Variants in IL1RAPL1 observed in about 807,000 individuals in gnomAD.
The protein encoded by IL1RAPL1 is interleukin-1 receptor accessory protein-like 1.
Under a neutral mutation model 48.4 loss-of-function variants are expected in IL1RAPL1, and 3 were observed. That is an observed-to-expected ratio of 0.06 (90% CI 0.03 to 0.16). The LOEUF is 0.16. IL1RAPL1 is among the 10% of genes least tolerant of loss of function. The probability of loss-of-function intolerance (pLI) is 1.00; values close to 1 mark genes in which losing one functional copy is unlikely to be tolerated. For missense variants in IL1RAPL1, 349 were observed against 530.6 expected, an observed-to-expected ratio of 0.66 and a Z score of 3.36; for synonymous variants, 185 against 187.7, an observed-to-expected ratio of 0.99 and a Z score of 0.12.
chrX:29,681,018 A>G (rs1926436372), intron 6 of IL1RAPL1, among the ~76,000 whole-genome samples: 1 of 112,653 alleles, frequency 8.9e-6, no homozygotes, highest in Non-Finnish European at 1.9e-5. Context: ...TATAAAATCA[A>G]CTTCACGTAA....
intron 2 of IL1RAPL1, among the ~76,000 whole-genome samples, chrX:29,014,433 T>C (rs1926194883): frequency 8.9e-6 from 1 of 111,868 alleles, no homozygotes; most frequent in South Asian, 3.7e-4. Context: ...TATTTGTGTA[T>C]ATATACTCTT....
At chrX:29,525,946 T>G (rs774020545) in intron 5 of IL1RAPL1, among the ~76,000 whole-genome samples, 1 of 111,749 alleles carries the variant, frequency 8.9e-6, no homozygotes, top group Non-Finnish European at 1.9e-5. Flanking sequence ...GTGCTAGATA[T>G]AGTAGCTAAA....
In IL1RAPL1 at chrX:29,703,402, G is replaced by A. The variant is rs764386178; in HGVS notation, c.778+34898G>A. ...CTGTCTCCCAGGCCAGAGTGCGGTG[G>A]CGTGATCTCCGCTCACTGCAAGCTC... On this transcript the variant is annotated intron_variant, in intron 6 of 10. Coordinates refer to ENST00000378993, the MANE Select transcript of IL1RAPL1 (RefSeq NM_014271.4). Among the ~76,000 whole-genome samples, 12 of 110,421 alleles carry A rather than the reference G, an allele frequency of 1.1e-4. No homozygotes were observed. The East Asian group carries it at 1.7e-3, about 16-fold the overall frequency.
Position 29,639,103 on chromosome X carries a change from G to A in IL1RAPL1, c.704-29327G>A, listed in dbSNP as rs959411846. ...CGGTAGGCTGAGGCAGGAGAATGGC[G>A]TGAACCCAGGAGGCGGAGCTTGCAG... On this transcript the variant is annotated intron_variant, in intron 5 of 10. Transcript: ENST00000378993. Among the ~76,000 whole-genome samples, 10 of 107,837 alleles carry A rather than the reference G, an allele frequency of 9.3e-5. No homozygotes were observed. The East Asian group carries it at 2.1e-3, about 22-fold the overall frequency. The allele number at this position is 107,837 out of a possible 115,157, so 93.6% of individuals were successfully genotyped here. A position where few individuals can be genotyped will look rare whatever the true frequency, so the allele number is the denominator to read the frequency against.
At chrX:29,801,742 G>T (rs766905362) in intron 6 of IL1RAPL1, among the ~76,000 whole-genome samples, 5 of 111,774 alleles carry the variant, frequency 4.5e-5, no homozygotes, top group Non-Finnish European at 7.5e-5. Context: ...AACTAAGATC[G>T]ATCAAAGTAA....
At chrX:29,835,156 A>G in intron 6 of IL1RAPL1, among the ~76,000 whole-genome samples, 1 of 112,367 alleles carries the variant, frequency 8.9e-6, no homozygotes, top group Middle Eastern at 4.7e-3. Flanking sequence ...TCCTGTTTTT[A>G]GTGCTAAAGC....
intron 1 of IL1RAPL1, among the ~76,000 whole-genome samples, chrX:28,725,517 G>A (rs1202267550): frequency 8.9e-6 from 1 of 112,029 alleles, no homozygotes; most frequent in Non-Finnish European, 1.9e-5. Flanking sequence ...GATAGGGATT[G>A]TATGGAGCTT....
chrX:29,768,934 C>A lies in IL1RAPL1; in HGVS notation c.778+100430C>A, dbSNP rs531506246. Among the ~76,000 whole-genome samples, 82 of 111,197 alleles carry A rather than the reference C, an allele frequency of 7.4e-4. No individual in the cohort carries two copies. The South Asian group carries it at 0.028, about 38-fold the overall frequency. ...CAGCTTGCAGGACTTCTGCTCAGGCCGCATCATCTTTTATAATACACATGA... is the reference window on the plus strand; with the variant it reads ...CAGCTTGCAGGACTTCTGCTCAGGCAGCATCATCTTTTATAATACACATGA... On this transcript the variant is annotated intron_variant, in intron 6 of 10. Transcript: ENST00000378993.
chrX:29,954,405 C>T (rs974555820), intron 9 of IL1RAPL1, 117 bp from the exon 10 acceptor site: 16 of 566,593 alleles, frequency 2.8e-5, no homozygotes, highest in South Asian at 5.4e-5. Flanking sequence ...CTTCATTTTT[C>T]GGTCTTTCAG....
At chrX:28,693,112 A>G (rs765414376) in intron 1 of IL1RAPL1, among the ~76,000 whole-genome samples, 9 of 112,244 alleles carry the variant, frequency 8.0e-5, no homozygotes, top group Non-Finnish European at 1.7e-4. Flanking sequence ...TAGAAAGACA[A>G]TTCCACTGGA....
intron 1 of IL1RAPL1, among the ~76,000 whole-genome samples, chrX:28,640,258 A>C (rs1283587420): frequency 8.9e-6 from 1 of 111,907 alleles, no homozygotes; most frequent in Non-Finnish European, 1.9e-5. Flanking sequence ...TACTGTTATG[A>C]TGACCAACAT....
chrX:28,754,384 C>T (rs527762522), intron 1 of IL1RAPL1, among the ~76,000 whole-genome samples: 2 of 112,271 alleles, frequency 1.8e-5, no homozygotes, highest in African/African-American at 6.5e-5. Flanking sequence ...CATCTGAAAT[C>T]TTGAAAGGGG....
intron 5 of IL1RAPL1, among the ~76,000 whole-genome samples, chrX:29,443,231 G>GCGCGCTCTCTCT (rs746994199): frequency 2.1e-5 from 2 of 93,964 alleles, no homozygotes; most frequent in East Asian, 7.3e-4. Flanking sequence ...GCTCTCGCTT[G>GCGCGCTCTCTCT]CTCTCTCTCT....
intron 5 of IL1RAPL1, among the ~76,000 whole-genome samples, chrX:29,639,048 T>TGGTGGTGGGCGC (rs1208055195): frequency 1.8e-5 from 2 of 109,775 alleles, no homozygotes; most frequent in Non-Finnish European, 3.8e-5. Flanking sequence ...TAGCTGGGCG[T>TGGTGGTGGGCGC]GGTGGTGGGC....
chrX:29,428,619 T>A (rs942210650), intron 5 of IL1RAPL1, among the ~76,000 whole-genome samples: 1 of 111,526 alleles, frequency 9.0e-6, no homozygotes, highest in African/African-American at 3.3e-5. Context: ...CTATACTGAC[T>A]TTTTTGTATT....
intron 2 of IL1RAPL1, among the ~76,000 whole-genome samples, chrX:29,113,249 C>G (rs1269302015): frequency 8.9e-6 from 1 of 112,163 alleles, no homozygotes; most frequent in Admixed American, 9.4e-5. Flanking sequence ...AAAGCAGCTT[C>G]TCAGAAGCAT....
intron 2 of IL1RAPL1, among the ~76,000 whole-genome samples, chrX:28,862,393 T>G (rs1921969677): frequency 8.9e-6 from 1 of 112,298 alleles, no homozygotes; most frequent in African/African-American, 3.2e-5. Flanking sequence ...TAAGCAGATA[T>G]AACAAACATC....
At chrX:28,692,186 C>G (rs1198507956) in intron 1 of IL1RAPL1, among the ~76,000 whole-genome samples, 1 of 111,496 alleles carries the variant, frequency 9.0e-6, no homozygotes, top group Non-Finnish European at 1.9e-5. Flanking sequence ...AGAATGACAT[C>G]AAGCCATACA....
chrX:29,945,964 C>T (rs1302595087), intron 9 of IL1RAPL1, among the ~76,000 whole-genome samples: 2 of 111,032 alleles, frequency 1.8e-5, no homozygotes, highest in African/African-American at 6.5e-5. Context: ...CAACACTCCC[C>T]GCCCATACTC....
Sources: allele counts gnomAD v4.1 joint callset (sites outside exome capture counted in the v4.1 genomes callset), GRCh38; gene constraint gnomAD v4.1.1; transcripts MANE v1.5; gene names NCBI Gene and HGNC (gene_info 2026-07-23, HGNC 2026-07-21).